Variants in NKIRAS1 observed in about 807,000 individuals in gnomAD.
The protein encoded by NKIRAS1 is NFKB inhibitor interacting Ras like 1.
Under a neutral mutation model 19.8 loss-of-function variants are expected in NKIRAS1, and 16 were observed. The ratio of observed to expected loss-of-function variants is 0.81; its 90% CI spans 0.55 to 1.23. The LOEUF is 1.23. NKIRAS1 is among the 50% of genes most tolerant of loss of function. The pLI is 0.00. For synonymous variants in NKIRAS1, 88 were observed against 79.0 expected (o/e 1.11, Z -0.61); for missense variants, 184 against 220.0 (o/e 0.84, Z 1.04).
At chr3:23,938,486 A>G (rs930520649) in intron 1 of NKIRAS1, among the ~76,000 whole-genome samples, 1 of 152,184 alleles carries the variant, frequency 6.6e-6, no homozygotes, top group African/African-American at 2.4e-5. Context: ...TGTTATGATT[A>G]CAGGTGTGAG....
In NKIRAS1 at chr3:23,890,634, TTGTC is replaced by T. The variant is rs1559497993; in HGVS notation, c.*2457_*2460del. 3 of 1,607,484 alleles carry T rather than the reference TTGTC, an allele frequency of 1.9e-6. No homozygotes were observed. Among genetic ancestry groups the T allele is most frequent in the South Asian group, 1.1e-5 (1 of 90,270 alleles). ...TGGGGTTTCACAATTCTTACATTAT[TTGTC>T]TGTCACAGAAGAGAGCTGCTTATGA... On this transcript the variant is annotated 3_prime_UTR_variant, in exon 5 of 5. Coordinates refer to ENST00000425478, the MANE Select transcript of NKIRAS1 (RefSeq NM_020345.4).
intron 3 of NKIRAS1, among the ~76,000 whole-genome samples, chr3:23,909,497 A>C (rs557014354): frequency 1.3e-5 from 2 of 152,348 alleles, no homozygotes; most frequent in South Asian, 2.1e-4. Context: ...ACTGCACTCA[A>C]GCCTGGGAGA....
At chr3:23,911,820 T>C (rs1703768959) in intron 1 of NKIRAS1, among the ~76,000 whole-genome samples, 1 of 147,484 alleles carries the variant, frequency 6.8e-6, no homozygotes, top group African/African-American at 2.5e-5. Flanking sequence ...TGGAGTGCAG[T>C]GATGAGATTT....
chr3:23,918,726 G>C, upstream of NKIRAS1: 1 of 913,790 alleles, frequency 1.1e-6, no homozygotes, highest in Non-Finnish European at 1.6e-6. Context: ...AAGAGTAATT[G>C]CTTGAAAGAC....
At chr3:23,925,286 A>G (rs961983051) in intron 1 of NKIRAS1, among the ~76,000 whole-genome samples, 2 of 152,202 alleles carry the variant, frequency 1.3e-5, no homozygotes, top group Admixed American at 1.3e-4. Context: ...TGGTAGAGAG[A>G]GTATTTTGTC....
chr3:23,926,768 C>T lies in NKIRAS1; in HGVS notation c.-139-15318G>A, dbSNP rs147176048. Among the ~76,000 whole-genome samples, 4 of 152,108 alleles carry T rather than the reference C, an allele frequency of 2.6e-5. No individual in the cohort carries two copies. Among genetic ancestry groups the T allele is most frequent in the South Asian group, 2.1e-4 (1 of 4,836 alleles). ...CTTTTCTAAGAAAAAAGGTTTTGGT[C>T]GAAAAAGACCTTTAGTTTTCCATTT... On this transcript the variant is annotated intron_variant, in intron 1 of 4. Transcript: ENST00000421515. This position sits in a 1 kb window ranked among gnomAD's most constrained non-coding sequence, Gnocchi z 4.3.
chr3:23,926,201 G>A lies in NKIRAS1; in HGVS notation c.-139-14751C>T, dbSNP rs558451333. The stretch of plus-strand genomic sequence containing the variant: ...CAAGTAGCTGGGATTACAGGCACCC[G>A]CCACCACGCCCAGCTAATTTTTGTG... On this transcript the variant is annotated intron_variant, in intron 1 of 4. Transcript: ENST00000421515. This position sits in a 1 kb window ranked among gnomAD's most constrained non-coding sequence, Gnocchi z 4.3. Among the ~76,000 whole-genome samples the A allele has an allele frequency of 1.4e-3, 212 of 152,126 alleles. No individual in the cohort carries two copies. Among genetic ancestry groups the A allele is most frequent in the East Asian group, 5.2e-3 (27 of 5,190 alleles).
At chr3:23,919,887 C>T, upstream of NKIRAS1, 1 of 995,952 alleles carries the variant, frequency 1.0e-6, no homozygotes, top group Non-Finnish European at 1.2e-6. Context: ...TTTCAAGTGG[C>T]TGCGTTTTTT....
At chr3:23,918,799 C>T, upstream of NKIRAS1, 4 of 591,542 alleles carry the variant, frequency 6.8e-6, no homozygotes, top group Admixed American at 3.5e-5. Context: ...AGCTTTAAAG[C>T]GGCAAGAATA....
At chr3:23,902,659 G>T (rs1702632994) in intron 3 of NKIRAS1, among the ~76,000 whole-genome samples, 2 of 152,004 alleles carry the variant, frequency 1.3e-5, no homozygotes, top group South Asian at 4.1e-4. Context: ...TTGATATTTT[G>T]GTACTCTAAA....
At chr3:23,937,965 A>C (rs576380645) in intron 1 of NKIRAS1, among the ~76,000 whole-genome samples, 5 of 152,190 alleles carry the variant, frequency 3.3e-5, no homozygotes, top group Non-Finnish European at 5.9e-5. Flanking sequence ...AGACAATAAG[A>C]GACTCAGAAT....
At chr3:23,901,572 CTT>C (rs531856982) in intron 3 of NKIRAS1, among the ~76,000 whole-genome samples, 25 of 152,264 alleles carry the variant, frequency 1.6e-4, no homozygotes, top group Middle Eastern at 3.4e-3. Context: ...CATTTTACCA[CTT>C]TGTTTCATTT....
At position 23,907,234 on chromosome 3, in the gene NKIRAS1, T is replaced by C. The variant is rs542848603; in HGVS notation, c.94+3577A>G. 4.9e-4 allele frequency among the ~76,000 whole-genome samples: 74 copies of C among 152,336 alleles called. No homozygotes were observed. In the South Asian group the frequency reaches 0.015, roughly 31 times the overall value. On this transcript the variant is annotated intron_variant, in intron 3 of 4. Transcript: ENST00000425478. ...TAATAACATTTTCTTATCTCTAGCTTACTTTATTGTAAGAGTACAGTATAT... is the reference window on the plus strand; with the variant it reads ...TAATAACATTTTCTTATCTCTAGCTCACTTTATTGTAAGAGTACAGTATAT...
chr3:23,915,843 C>G (rs943196806), intron 1 of NKIRAS1: 1 of 152,242 alleles, frequency 6.6e-6, no homozygotes, highest in Non-Finnish European at 1.5e-5. Flanking sequence ...AAAGACTTAA[C>G]CTGGACACTC....
At chr3:23,908,507 T>G (rs534864803) in intron 3 of NKIRAS1, among the ~76,000 whole-genome samples, 6 of 152,056 alleles carry the variant, frequency 3.9e-5, no homozygotes, top group African/African-American at 1.4e-4. Flanking sequence ...TTAATAGATA[T>G]GATAATTGCC....
intron 1 of NKIRAS1, among the ~76,000 whole-genome samples, chr3:23,938,690 T>C (rs1184314811): frequency 6.6e-6 from 1 of 152,228 alleles, no homozygotes; most frequent in Non-Finnish European, 1.5e-5. Context: ...CCATGTCCCC[T>C]ACCCTTGGAT....
intron 3 of NKIRAS1, among the ~76,000 whole-genome samples, chr3:23,908,846 CTTT>C (rs112291188): frequency 1.4e-5 from 2 of 141,912 alleles, no homozygotes; most frequent in Admixed American, 7.1e-5. Context: ...TTCTTTCTTT[CTTT>C]TTTTTTTTTT....
At chr3:23,932,210 T>C (rs1298608030) in intron 1 of NKIRAS1, among the ~76,000 whole-genome samples, 2 of 152,144 alleles carry the variant, frequency 1.3e-5, no homozygotes, top group Non-Finnish European at 2.9e-5. Flanking sequence ...TTTAAACATC[T>C]GTGAGAGTGC....
chr3:23,916,167 C>A (rs1312096000), intron 1 of NKIRAS1: 2 of 152,110 alleles, frequency 1.3e-5, no homozygotes, highest in Admixed American at 6.6e-5. Context: ...AAAACCGCTA[C>A]GATTAAGAGA....
Sources: allele counts gnomAD v4.1 joint callset (sites outside exome capture counted in the v4.1 genomes callset), GRCh38; gene constraint gnomAD v4.1.1; non-coding constraint Gnocchi (gnomAD v3.1); transcripts MANE v1.5; gene names NCBI Gene and HGNC (gene_info 2026-07-23, HGNC 2026-07-21).